ABTB3: variants seen among roughly 807,000 people sequenced by gnomAD.
The protein encoded by ABTB3 is ankyrin repeat- and BTB/POZ domain-containing protein 3.
At chr12:107,456,791 C>T in the ABTB3 span, among the ~76,000 whole-genome samples, 1 of 152,142 alleles carries the variant, frequency 6.6e-6, no homozygotes, top group Middle Eastern at 3.4e-3. Context: ...GGTGACAGAA[C>T]CTGGATTTGA....
At chr12:107,620,291 C>T in the ABTB3 span, 116 of 1,245,972 alleles carry the variant, frequency 9.3e-5, no homozygotes, top group African/African-American at 8.1e-4. Context: ...CGACCAGTGG[C>T]GAATGTAGCC....
chr12:107,543,085 C>G, the ABTB3 span, among the ~76,000 whole-genome samples: 2 of 152,114 alleles, frequency 1.3e-5, no homozygotes, highest in Non-Finnish European at 2.9e-5. Flanking sequence ...CCTGTAATCC[C>G]AGCACTTTGG....
the ABTB3 span, among the ~76,000 whole-genome samples, chr12:107,481,346 C>A: frequency 6.6e-6 from 1 of 152,148 alleles, no homozygotes; most frequent in South Asian, 2.1e-4. Context: ...CATTAACCCT[C>A]AGGAATGGAT....
At chr12:107,550,635 C>T in the ABTB3 span, among the ~76,000 whole-genome samples, 3 of 146,120 alleles carry the variant, frequency 2.1e-5, no homozygotes, top group African/African-American at 7.7e-5. Context: ...GGTTGGAGTG[C>T]AGTGGCGTGA....
the ABTB3 span, chr12:107,609,896 T>G: frequency 2.9e-6 from 1 of 349,032 alleles, no homozygotes; most frequent in Admixed American, 3.7e-5. Context: ...AATTAATTCA[T>G]GCAAAGAGCT....
At chr12:107,469,994 TTCTTTCTTTCTTTCTTTC>T in the ABTB3 span, among the ~76,000 whole-genome samples, 16 of 64,090 alleles carry the variant, frequency 2.5e-4, 1 homozygote, top group African/African-American at 1.3e-3. Context: ...CTTTCTTTCT[TTCTTTCTTTCTTTCTTTC>T]TCTCTCTCTC....
At chr12:107,518,211 C>T in the ABTB3 span, among the ~76,000 whole-genome samples, 7 of 152,160 alleles carry the variant, frequency 4.6e-5, no homozygotes, top group Non-Finnish European at 1.0e-4. Flanking sequence ...GGCGATTCCT[C>T]AGGGATCTAG....
chr12:107,424,849 A>G, the ABTB3 span, among the ~76,000 whole-genome samples: 3 of 152,128 alleles, frequency 2.0e-5, no homozygotes, highest in Non-Finnish European at 4.4e-5. Flanking sequence ...CATATCTGCC[A>G]CTTTCACATG....
chr12:107,322,083 T>C, the ABTB3 span, among the ~76,000 whole-genome samples: 1 of 152,248 alleles, frequency 6.6e-6, no homozygotes, highest in Non-Finnish European at 1.5e-5. Flanking sequence ...TGTAGCTCTG[T>C]GGTAGTTGCT....
At chr12:107,541,116 T>C in the ABTB3 span, among the ~76,000 whole-genome samples, 1 of 152,222 alleles carries the variant, frequency 6.6e-6, no homozygotes, top group South Asian at 2.1e-4. Flanking sequence ...CTAAAGCTGG[T>C]GAACAGTCCT....
chr12:107,467,580 A>G, the ABTB3 span, among the ~76,000 whole-genome samples: 1 of 152,090 alleles, frequency 6.6e-6, no homozygotes, highest in Admixed American at 6.5e-5. Flanking sequence ...GCGTTACTCC[A>G]CAGCCACTGA....
chr12:107,463,333 G>A, the ABTB3 span, among the ~76,000 whole-genome samples: 1 of 151,918 alleles, frequency 6.6e-6, no homozygotes, highest in Non-Finnish European at 1.5e-5. Context: ...GGTGATGGTG[G>A]TTGATGATGA....
At chr12:107,539,543 G>A in the ABTB3 span, among the ~76,000 whole-genome samples, 1 of 152,286 alleles carries the variant, frequency 6.6e-6, no homozygotes, top group East Asian at 1.9e-4. Flanking sequence ...GAGCAGCTTT[G>A]CAGTGTAGAG....
chr12:107,404,088 G>A, the ABTB3 span, among the ~76,000 whole-genome samples: 2 of 150,480 alleles, frequency 1.3e-5, no homozygotes, highest in African/African-American at 4.9e-5. Context: ...GCTTGAACCC[G>A]GGAGGCAGAG....
chr12:107,353,656 G>A, the ABTB3 span, among the ~76,000 whole-genome samples: 1 of 152,154 alleles, frequency 6.6e-6, no homozygotes, highest in Admixed American at 6.5e-5. Flanking sequence ...GGACCAGTAG[G>A]GGTCCATGGC....
chr12:107,421,318 CA>C, the ABTB3 span, among the ~76,000 whole-genome samples: 1 of 152,154 alleles, frequency 6.6e-6, no homozygotes, highest in Admixed American at 6.5e-5. Flanking sequence ...GTGAAGTAGA[CA>C]GAAGGGATTT....
chr12:107,484,333 G>C, the ABTB3 span, among the ~76,000 whole-genome samples: 1 of 152,246 alleles, frequency 6.6e-6, no homozygotes, highest in Admixed American at 6.5e-5. Context: ...GAGTGAGTGA[G>C]CCTGTGGTGT....
chr12:107,485,653 C>A, the ABTB3 span, among the ~76,000 whole-genome samples: 1 of 152,232 alleles, frequency 6.6e-6, no homozygotes, highest in Non-Finnish European at 1.5e-5. Context: ...AAAGATAATA[C>A]CTGTAGGGCA....
At chr12:107,494,297 G>C in the ABTB3 span, among the ~76,000 whole-genome samples, 1 of 152,164 alleles carries the variant, frequency 6.6e-6, no homozygotes, top group South Asian at 2.1e-4. Flanking sequence ...AAATGAGCCT[G>C]CTGAGTCCCT....
Sources: allele counts gnomAD v4.1 joint callset (sites outside exome capture counted in the v4.1 genomes callset), GRCh38; gene constraint gnomAD v4.1.1; transcripts MANE v1.5; gene names NCBI Gene and HGNC (gene_info 2026-07-23, HGNC 2026-07-21).